The following SNX8 variants were observed in gnomAD, a reference collection of about 807,000 sequenced individuals.
The protein encoded by SNX8 is sorting nexin-8.
A neutral mutation model predicts 51.6 loss-of-function variants in SNX8; 25 were observed. That is an observed-to-expected ratio of 0.48 (90% CI 0.35 to 0.68). The LOEUF (loss-of-function observed/expected upper bound fraction) is 0.68, where lower values mean the gene tolerates loss of function less well. Ranked by LOEUF, SNX8 falls within the 30% of genes least tolerant of loss-of-function variation. The pLI is 0.00. For missense variants in SNX8, 695 were observed against 624.0 expected (o/e 1.11, Z -1.21); for synonymous variants, 324 against 277.0 (o/e 1.17, Z -1.68).
At chr7:2,351,659 G>A (rs143052370) in intron 1 of SNX8, among the ~76,000 whole-genome samples, 1,548 of 151,698 alleles carry the variant, frequency 0.01, 23 homozygotes, top group African/African-American at 0.035. Flanking sequence ...GATGAAACCC[G>A]TCTCTACTAA....
intron 1 of SNX8, among the ~76,000 whole-genome samples, chr7:2,321,584 G>A (rs985222417): frequency 3.3e-5 from 5 of 151,394 alleles, no homozygotes; most frequent in African/African-American, 4.9e-5. Flanking sequence ...CCGCCACTAC[G>A]CCTGGCTAAT....
chr7:2,262,076 C>G (rs779142938), intron 7 of SNX8, among the ~76,000 whole-genome samples: 1 of 152,218 alleles, frequency 6.6e-6, no homozygotes, highest in Non-Finnish European at 1.5e-5. Flanking sequence ...CTCGCTCTGT[C>G]GCCCAGGCTG....
Position 2,266,303 on chromosome 7 carries a change from G to C in SNX8, c.622-1845C>G, listed in dbSNP as rs190389819. On this transcript the variant is annotated intron_variant, in intron 5 of 10. Transcript: ENST00000222990. ...GGGTTCAAGCAGTCCTCTTGCCTCA[G>C]CCTCCCAAATAGCTGGGATTACAGG... 2.0e-5 allele frequency among the ~76,000 whole-genome samples: 3 copies of C among 151,876 alleles called. No homozygotes were observed. In the East Asian group the frequency reaches 5.8e-4, roughly 29 times the overall value.
At chr7:2,311,663 C>A (rs1440264206) in intron 1 of SNX8, among the ~76,000 whole-genome samples, 3 of 151,792 alleles carry the variant, frequency 2.0e-5, no homozygotes, top group Admixed American at 2.0e-4. Flanking sequence ...CGAGGCCGGG[C>A]GCGGTGGCTC....
chr7:2,303,352 A>C (rs777756825), intron 1 of SNX8, among the ~76,000 whole-genome samples: 1 of 110,828 alleles, frequency 9.0e-6, no homozygotes, highest in Non-Finnish European at 2.0e-5. Flanking sequence ...CCCCCCGCCC[A>C]GCCAGCCGCC....
At chr7:2,308,257 TTC>T (rs1401814979) in intron 1 of SNX8, among the ~76,000 whole-genome samples, 2 of 152,056 alleles carry the variant, frequency 1.3e-5, no homozygotes, top group Admixed American at 6.6e-5. Flanking sequence ...AAAAATAGGT[TTC>T]TGTTTTCTGG....
intron 1 of SNX8, among the ~76,000 whole-genome samples, chr7:2,290,282 C>G (rs1344498390): frequency 6.6e-6 from 1 of 152,152 alleles, no homozygotes; most frequent in East Asian, 1.9e-4. Flanking sequence ...GGGCGGATCA[C>G]TGGAGGCCTG....
intron 1 of SNX8, among the ~76,000 whole-genome samples, chr7:2,297,083 G>T (rs1010442414): frequency 1.3e-5 from 2 of 151,942 alleles, no homozygotes; most frequent in African/African-American, 4.8e-5. Flanking sequence ...AAGAACAACA[G>T]ATGTTGGCGT....
At chr7:2,326,394 G>A (rs887443353) in intron 1 of SNX8, among the ~76,000 whole-genome samples, 12 of 152,044 alleles carry the variant, frequency 7.9e-5, no homozygotes, top group South Asian at 4.2e-4. Flanking sequence ...GGCCGGGCAC[G>A]GTGGCTCACG....
rs563557441 is a variant in SNX8 at position 2,278,266 on chromosome 7, ACGATGGCCTGGGGCT to A, written c.119_133del (p.Glu40_Ile44del). 2,873 of 1,602,418 alleles carry A rather than the reference ACGATGGCCTGGGGCT, an allele frequency of 1.8e-3. 30 individuals are homozygous for A. The highest frequency in any genetic ancestry group is 0.017 in the East Asian group (742 of 44,514). Reference sequence around the variant, plus strand: ...TCGACTGGGGGCTGGGACCTGCTGCACGATGGCCTGGGGCTCGATGGCCTGGGGTGTCGGCAGATC... The same window carrying A: ...TCGACTGGGGGCTGGGACCTGCTGCACGATGGCCTGGGGTGTCGGCAGATC... On this transcript the variant is annotated inframe_deletion, in exon 2 of 11. Coordinates refer to ENST00000222990, the MANE Select transcript of SNX8 (RefSeq NM_013321.4).
intron 1 of SNX8, among the ~76,000 whole-genome samples, chr7:2,304,527 G>C (rs1022023752): frequency 1.3e-5 from 2 of 151,688 alleles, no homozygotes; most frequent in Non-Finnish European, 2.9e-5. Context: ...CTGGGCGACA[G>C]AGCGAGACTC....
At chr7:2,336,456 C>T (rs1778831672) in intron 1 of SNX8, among the ~76,000 whole-genome samples, 1 of 152,044 alleles carries the variant, frequency 6.6e-6, no homozygotes, top group African/African-American at 2.4e-5. Flanking sequence ...CACCTGTAAT[C>T]CTAGCACTTT....
At chr7:2,315,569 A>G (rs1796740209), upstream of SNX8, among the ~76,000 whole-genome samples, 1 of 143,896 alleles carries the variant, frequency 6.9e-6, no homozygotes, top group African/African-American at 2.6e-5. Flanking sequence ...TCACTCATGC[A>G]CTGCATCCTG....
At chr7:2,324,140 A>T (rs1778586520) in intron 1 of SNX8, among the ~76,000 whole-genome samples, 1 of 151,800 alleles carries the variant, frequency 6.6e-6, no homozygotes, top group Admixed American at 6.6e-5. Context: ...AAGAATTTAT[A>T]AAAAAAGAAT....
At chr7:2,271,826 C>T in intron 4 of SNX8, 24 bp downstream of exon 4, 1 of 1,586,782 alleles carries the variant, frequency 6.3e-7, no homozygotes, top group South Asian at 1.1e-5. Context: ...GGGGCCGGGA[C>T]ATGGGCAGGG....
At chr7:2,302,876 G>A (rs1207938196) in intron 1 of SNX8, among the ~76,000 whole-genome samples, 49 of 148,214 alleles carry the variant, frequency 3.3e-4, no homozygotes, top group African/African-American at 1.1e-3. Flanking sequence ...CAACCGCCCC[G>A]TCTGAGAAGT....
intron 1 of SNX8, among the ~76,000 whole-genome samples, chr7:2,286,960 G>A (rs554907164): frequency 4.0e-4 from 60 of 151,730 alleles, no homozygotes; most frequent in African/African-American, 1.2e-3. Context: ...CCAACATGGT[G>A]AAACTCCATC....
chr7:2,266,781 A>G (rs1328095412), intron 5 of SNX8, among the ~76,000 whole-genome samples: 1 of 152,142 alleles, frequency 6.6e-6, no homozygotes. Flanking sequence ...TCAGCCTCCC[A>G]AAGTGCTGGG....
intron 3 of SNX8, 23 bp downstream of exon 3, chr7:2,275,089 G>A (rs1184453553): frequency 6.5e-7 from 1 of 1,532,562 alleles, no homozygotes; most frequent in Admixed American, 1.7e-5. Flanking sequence ...TCCGCCCCCG[G>A]TGGGCAGCAC....
Sources: gnomAD v4.1 joint callset for allele counts (sites outside exome capture counted in the v4.1 genomes callset) on GRCh38, gnomAD v4.1.1 for gene constraint, MANE v1.5 for transcripts, NCBI Gene and HGNC (gene_info 2026-07-23, HGNC 2026-07-21) for gene names.